Variants in MYO18B observed in about 807,000 individuals in gnomAD.
The protein encoded by MYO18B is unconventional myosin-XVIIIb.
In MYO18B, 204 loss-of-function variants were observed where a neutral mutation model predicts 273.0. The observed-to-expected ratio is 0.75, with a 90% confidence interval of 0.67 to 0.84. The LOEUF is 0.84. Among genes scored for constraint, MYO18B ranks in the 40% least tolerant of loss-of-function variants. The probability of loss-of-function intolerance (pLI) is 0.00; values close to 1 mark genes in which losing one functional copy is unlikely to be tolerated. For missense variants in MYO18B, 3,212 were observed against 3,287.6 expected, an observed-to-expected ratio of 0.98 and a Z score of 0.56; for synonymous variants, 1,330 against 1,305.7, an observed-to-expected ratio of 1.02 and a Z score of -0.40.
At chr22:25,770,754 T>G (rs896404569) in intron 5 of MYO18B, 118 bp from the exon 6 acceptor site, 18 of 701,162 alleles carry the variant, frequency 2.6e-5, no homozygotes, top group Non-Finnish European at 4.5e-5. Flanking sequence ...GTCCCAAGCC[T>G]TCTCCCAAGC....
At chr22:25,823,761 T>G in intron 13 of MYO18B, 83 bp downstream of exon 13, 1 of 1,452,676 alleles carries the variant, frequency 6.9e-7, no homozygotes, top group South Asian at 1.3e-5. Flanking sequence ...TTTAACTTTT[T>G]TATCAAAGAT....
chr22:25,769,463 C>T (rs1403484653), intron 4 of MYO18B, 35 bp downstream of exon 4: 2 of 1,466,838 alleles, frequency 1.4e-6, no homozygotes, highest in South Asian at 1.4e-5. Context: ...CGGGAAGCGG[C>T]AGACAGGCCT....
chr22:26,017,023 A>C (rs1935387729), intron 42 of MYO18B, among the ~76,000 whole-genome samples: 1 of 141,110 alleles, frequency 7.1e-6, no homozygotes. Flanking sequence ...TTATTAGGCT[A>C]ATTTCCTTCC....
chr22:25,903,084 C>G (rs752843614), intron 30 of MYO18B: 5 of 234,264 alleles, frequency 2.1e-5, no homozygotes, highest in Non-Finnish European at 4.2e-5. Flanking sequence ...AGAGATTTTA[C>G]TAAAATACAA....
In MYO18B at chr22:26,026,728, G is replaced by A; in HGVS notation, c.6754G>A (p.Glu2252Lys). 6.2e-7 allele frequency: 1 copy of A among 1,613,590 alleles called. No individual in the cohort carries two copies. Among genetic ancestry groups the A allele is most frequent in the Non-Finnish European group, 8.5e-7 (1 of 1,179,758 alleles). ...KLPSPSAALS[E>K]FVEGLRRKRA... ...GCCCAGTCCTTCAGCGGCCCTCTCG[G>A]AGTTCGTGGAAGGGCTCCGGAGGAA... The change falls in exon 43 of 44, where the codon GAG becomes AAG. Residue 2252 changes from glutamate (E) to lysine (K), a missense_variant. By Grantham distance (56) the Glu-to-Lys change is moderately conservative. Transcript: ENST00000335473.
chr22:25,762,204 C>A (rs1388661053), intron 2 of MYO18B, among the ~76,000 whole-genome samples: 1 of 152,294 alleles, frequency 6.6e-6, no homozygotes, highest in East Asian at 1.9e-4. Context: ...GTGGGCCCTG[C>A]AGTGCTGCCC....
chr22:25,772,027 C>CAGAA (rs565118772), intron 6 of MYO18B, among the ~76,000 whole-genome samples: 38 of 152,204 alleles, frequency 2.5e-4, no homozygotes, highest in Non-Finnish European at 5.1e-4. Flanking sequence ...GTTTGAGATC[C>CAGAA]AGAAAGTGTT....
intron 39 of MYO18B, among the ~76,000 whole-genome samples, chr22:25,977,459 G>T (rs990417312): frequency 2.6e-5 from 4 of 152,212 alleles, no homozygotes; most frequent in African/African-American, 9.7e-5. Context: ...CACATTGGGA[G>T]TAGTGGTTGT....
chr22:25,870,586 A>C (rs544668533), intron 22 of MYO18B, among the ~76,000 whole-genome samples: 1 of 152,222 alleles, frequency 6.6e-6, no homozygotes, highest in African/African-American at 2.4e-5. Context: ...TACATGACAT[A>C]TTCTTTACAG....
At chr22:26,007,638 T>C (rs961179833) in intron 42 of MYO18B, among the ~76,000 whole-genome samples, 2 of 152,222 alleles carry the variant, frequency 1.3e-5, no homozygotes, top group African/African-American at 2.4e-5. Flanking sequence ...AATATGTTTA[T>C]AGCTTGAGGA....
At chr22:25,790,492 CTGTT>C (rs1182829838) in intron 11 of MYO18B, among the ~76,000 whole-genome samples, 2 of 152,140 alleles carry the variant, frequency 1.3e-5, no homozygotes, top group Admixed American at 1.3e-4. Flanking sequence ...TCTGATCACA[CTGTT>C]TGTTTATGAT....
At chr22:25,782,714 C>G (rs2087214540) in intron 10 of MYO18B, among the ~76,000 whole-genome samples, 1 of 152,218 alleles carries the variant, frequency 6.6e-6, no homozygotes, top group Non-Finnish European at 1.5e-5. Flanking sequence ...CCCTCCCCAT[C>G]TGAAGGACAG....
At chr22:25,771,849 C>G (rs1473246548) in intron 6 of MYO18B, among the ~76,000 whole-genome samples, 1 of 152,238 alleles carries the variant, frequency 6.6e-6, no homozygotes, top group Non-Finnish European at 1.5e-5. Flanking sequence ...GGGTGGTTTC[C>G]TAGGAATCAA....
chr22:25,976,652 G>A (rs1055107121), intron 39 of MYO18B, among the ~76,000 whole-genome samples: 9 of 152,128 alleles, frequency 5.9e-5, no homozygotes, highest in Non-Finnish European at 1.0e-4. Flanking sequence ...ATTTCTGAGG[G>A]AGATAGCATT....
At position 25,906,579 on chromosome 22, in the gene MYO18B, T is replaced by TAAA. The variant is rs534969803; in HGVS notation, c.5149-1742_5149-1740dup. On this transcript the variant is annotated intron_variant, in intron 31 of 43. Coordinates refer to ENST00000335473, the MANE Select transcript of MYO18B (RefSeq NM_032608.7). ...GATGAGAGGTGCTGGGACAGTAGAG[T>TAAA]AAATGATCAGAAAGTTATCATTTCT... Among the ~76,000 whole-genome samples, 135 of 152,330 alleles carry TAAA rather than the reference T, an allele frequency of 8.9e-4. 1 individual carries two copies. Among genetic ancestry groups the TAAA allele is most frequent in the African/African-American group, 3.2e-3 (132 of 41,576 alleles).
intron 39 of MYO18B, among the ~76,000 whole-genome samples, chr22:25,992,138 GTGCCA>G (rs1367638150): frequency 6.6e-6 from 1 of 152,236 alleles, no homozygotes; most frequent in Non-Finnish European, 1.5e-5. Flanking sequence ...CAAGCTCTGT[GTGCCA>G]TGCCCTGGAG....
At position 25,903,651 on chromosome 22, in the gene MYO18B, A is replaced by C; in HGVS notation, c.4968A>C (p.Ser1656=). Residue 1656 remains serine (S), a synonymous_variant, in exon 31 of 44, where the codon TCA becomes TCC. Coordinates refer to ENST00000335473, the MANE Select transcript of MYO18B (RefSeq NM_032608.7). ...TGTAGCAAAAGGAGCAGGAAGCCTC[A>C]CAGCTGAAGCAGCAGGTGGAGATGC... ...QQLKQKEQEA[S]QLKQQVEMLQ... 6.2e-7 allele frequency: 1 copy of C among 1,607,530 alleles called. No homozygotes were observed. Among genetic ancestry groups the C allele is most frequent in the South Asian group, 1.1e-5 (1 of 89,456 alleles).
At position 25,911,249 on chromosome 22, in the gene MYO18B, G is replaced by A. The variant is rs117365455; in HGVS notation, c.5364+199G>A. Among the ~76,000 whole-genome samples, 399 of 152,348 alleles carry A rather than the reference G, an allele frequency of 2.6e-3. 16 individuals are homozygous for A. The East Asian group carries it at 0.069, about 26-fold the overall frequency. The stretch of plus-strand genomic sequence containing the variant: ...TGTAAGAACCCATGGGGAATAAAGA[G>A]AGTGGGGCCAGCCAGGAGCAATGGA... On this transcript the variant is annotated intron_variant, in intron 33 of 43. Coordinates refer to ENST00000335473, the MANE Select transcript of MYO18B (RefSeq NM_032608.7).
Position 26,004,742 on chromosome 22 carries a change from C to T in MYO18B, c.6357C>T (p.Ser2119=). 1.9e-6 allele frequency: 3 copies of T among 1,613,882 alleles called. No homozygotes were observed. The highest frequency in any genetic ancestry group is 2.5e-6 in the Non-Finnish European group (3 of 1,179,822). The change falls in exon 42 of 44, where the codon TCC becomes TCT. Residue 2119 remains serine (S), a synonymous_variant. Transcript: ENST00000335473. ...GGGATAACGTCTCCATCCTCAGCTC[C>T]CAGCCAGAGGGCAGCCTGCAGTCCT... is the stretch of plus-strand genomic sequence containing the variant. ...KEMDNVSILS[S]QPEGSLQSWL...
Sources: gnomAD v4.1 joint callset for allele counts (sites outside exome capture counted in the v4.1 genomes callset) on GRCh38, gnomAD v4.1.1 for gene constraint, MANE v1.5 for transcripts, NCBI Gene and HGNC (gene_info 2026-07-23, HGNC 2026-07-21) for gene names.